The following ST3GAL6 variants were observed in gnomAD, a reference collection of about 807,000 sequenced individuals.
ST3GAL6 encodes the protein ST3 beta-galactoside alpha-2,3-sialyltransferase 6.
Under a neutral mutation model 40.5 loss-of-function variants are expected in ST3GAL6, and 31 were observed. That is an observed-to-expected ratio of 0.77 (90% CI 0.58 to 1.03). The LOEUF is 1.03. ST3GAL6 is among the 50% of genes least tolerant of loss of function. ST3GAL6 has a pLI of 0.00. For missense variants in ST3GAL6, 357 were observed against 393.2 expected (o/e 0.91, Z 0.78); for synonymous variants, 129 against 136.9 (o/e 0.94, Z 0.40).
chr3:98,785,923 G>A (rs73136048), intron 6 of ST3GAL6, among the ~76,000 whole-genome samples: 26,535 of 152,014 alleles, frequency 0.17, 2,491 homozygotes, highest in African/African-American at 0.25. Flanking sequence ...TAGAGTTATC[G>A]GGATTTGTTG....
chr3:98,771,682 G>T (rs141149487), intron 3 of ST3GAL6, among the ~76,000 whole-genome samples: 90 of 151,730 alleles, frequency 5.9e-4, no homozygotes, highest in African/African-American at 1.6e-3. Flanking sequence ...AACTCTTTGG[G>T]GCTACAGATC....
At chr3:98,775,474 C>CAAA (rs34588217) in intron 5 of ST3GAL6, among the ~76,000 whole-genome samples, 5 of 125,020 alleles carry the variant, frequency 4.0e-5, no homozygotes, top group East Asian at 2.2e-4. Flanking sequence ...GACTTCGTCT[C>CAAA]AAAAAAAAAA....
upstream of ST3GAL6, among the ~76,000 whole-genome samples, chr3:98,762,381 G>GT (rs942335671): frequency 1.3e-5 from 2 of 152,128 alleles, no homozygotes; most frequent in Admixed American, 1.3e-4. Flanking sequence ...CAATGTCAGA[G>GT]TTTTTTTCTT....
intron 1 of ST3GAL6, among the ~76,000 whole-genome samples, chr3:98,755,711 A>G (rs943533038): frequency 6.6e-6 from 1 of 152,102 alleles, no homozygotes; most frequent in Non-Finnish European, 1.5e-5. Context: ...AATTGTTTTT[A>G]ACGTCCTAAA....
intron 1 of ST3GAL6, among the ~76,000 whole-genome samples, chr3:98,739,434 C>G (rs187386092): frequency 6.6e-6 from 1 of 151,966 alleles, no homozygotes; most frequent in African/African-American, 2.4e-5. Context: ...CATATAAACA[C>G]AGACCTCTTG....
chr3:98,750,896 A>C (rs1936957789), intron 1 of ST3GAL6, among the ~76,000 whole-genome samples: 1 of 152,026 alleles, frequency 6.6e-6, no homozygotes, highest in South Asian at 2.1e-4. Flanking sequence ...ACCAAGTAAA[A>C]TCCTCTTCAT....
upstream of ST3GAL6, among the ~76,000 whole-genome samples, chr3:98,761,879 C>T (rs1937808921): frequency 6.6e-6 from 1 of 152,178 alleles, no homozygotes; most frequent in East Asian, 1.9e-4. Context: ...TTTTTAGCAT[C>T]CCATATAGTT....
rs79733828 is a variant in ST3GAL6, at chr3:98,736,658, A to G, written c.-12+4126A>G. On this transcript the variant is annotated intron_variant, in intron 1 of 9. Transcript: ENST00000265261. ...TGAGATGGGACTTCCCTAATGGTCA[A>G]CCAACATTCACTGAATGTCCACCAT... Among the ~76,000 whole-genome samples the G allele has an allele frequency of 3.3e-4, 51 of 152,322 alleles. No individual in the cohort carries two copies. The East Asian group carries it at 9.5e-3, about 28-fold the overall frequency.
At chr3:98,768,322 A>T (rs907086577) in intron 1 of ST3GAL6, 108 bp from the exon 2 acceptor site, 4 of 800,560 alleles carry the variant, frequency 5.0e-6, no homozygotes, top group Admixed American at 4.6e-5. Flanking sequence ...TTTTTTCTAT[A>T]GTTCCTTTTG....
At chr3:98,743,000 C>CTTTTTTT (rs71120599) in intron 1 of ST3GAL6, among the ~76,000 whole-genome samples, 4 of 89,484 alleles carry the variant, frequency 4.5e-5, no homozygotes, top group African/African-American at 8.8e-5. Context: ...ATGCCAGGCT[C>CTTTTTTT]TTTTTTTTTT....
chr3:98,791,197 A>G (rs1159271528), intron 8 of ST3GAL6, among the ~76,000 whole-genome samples: 1 of 152,236 alleles, frequency 6.6e-6, no homozygotes, highest in Non-Finnish European at 1.5e-5. Flanking sequence ...TATATGTAAG[A>G]TAAGGAAAGA....
chr3:98,770,800 T>G, intron 2 of ST3GAL6, 79 bp from the exon 3 acceptor site: 1 of 1,232,454 alleles, frequency 8.1e-7, no homozygotes, highest in Non-Finnish European at 1.2e-6. Context: ...GTGGCATGAA[T>G]GAGTTCCCAG....
At chr3:98,733,705 G>C (rs1278114843) in intron 1 of ST3GAL6, 1 of 683,890 alleles carries the variant, frequency 1.5e-6, no homozygotes, top group Non-Finnish European at 1.8e-6. Flanking sequence ...CCTCTTTCTT[G>C]TGTGCTGTTA....
At chr3:98,767,520 C>T (rs897339196) in intron 1 of ST3GAL6, among the ~76,000 whole-genome samples, 4 of 152,114 alleles carry the variant, frequency 2.6e-5, no homozygotes, top group African/African-American at 4.8e-5. Flanking sequence ...GTTGTTTAGA[C>T]GAACTAGAAA....
chr3:98,782,810 G>T, intron 5 of ST3GAL6: 4 of 510,526 alleles, frequency 7.8e-6, no homozygotes, highest in South Asian at 1.5e-5. Context: ...GGAGAAACAG[G>T]AGTTGAATGA....
chr3:98,733,025 G>C (rs1360016817), intron 1 of ST3GAL6: 5 of 1,438,778 alleles, frequency 3.5e-6, no homozygotes, highest in Non-Finnish European at 4.5e-6. Context: ...AGGGAAATTG[G>C]GGGTGCGGGA....
intron 1 of ST3GAL6, chr3:98,732,962 C>T (rs1427883801): frequency 6.0e-6 from 9 of 1,503,712 alleles, no homozygotes; most frequent in South Asian, 1.2e-5. Flanking sequence ...TCCTGGGCCT[C>T]GGCGGGTCAC....
chr3:98,781,222 A>G (rs1046316851), intron 5 of ST3GAL6, among the ~76,000 whole-genome samples: 1 of 152,170 alleles, frequency 6.6e-6, no homozygotes. Flanking sequence ...GCAAACTAAC[A>G]CAGGAACAGA....
At chr3:98,773,887 C>G (rs1939261010) in intron 4 of ST3GAL6, 33 bp from the exon 5 acceptor site, 2 of 1,585,978 alleles carry the variant, frequency 1.3e-6, no homozygotes, top group South Asian at 2.2e-5. Flanking sequence ...ACATGATTAT[C>G]CTTTTATTCA....
Sources: gnomAD v4.1 joint callset for allele counts (sites outside exome capture counted in the v4.1 genomes callset) on GRCh38, gnomAD v4.1.1 for gene constraint, MANE v1.5 for transcripts, NCBI Gene and HGNC (gene_info 2026-07-23, HGNC 2026-07-21) for gene names.